OR3A2: variants seen among roughly 807,000 people sequenced by gnomAD.
OR3A2 encodes olfactory receptor 3A2.
For synonymous variants in OR3A2, 126 were observed against 159.3 expected (o/e 0.79, Z 1.57); for missense variants, 318 against 392.8 (o/e 0.81, Z 1.61).
At chr17:3,317,087 G>A (rs892714871) in intron 3 of OR3A2, among the ~76,000 whole-genome samples, 17 of 152,198 alleles carry the variant, frequency 1.1e-4, no homozygotes, top group Non-Finnish European at 1.0e-4. Context: ...ATAAGGTTGA[G>A]TACCGGTGCA....
chr17:3,357,627 A>T (rs1419152779), intron 2 of OR3A2, among the ~76,000 whole-genome samples: 2 of 151,602 alleles, frequency 1.3e-5, no homozygotes, highest in Non-Finnish European at 2.9e-5. Context: ...AGAGGTCCAG[A>T]GATAGATGCT....
intron 3 of OR3A2, chr17:3,310,514 C>A (rs768146932): frequency 1.9e-6 from 1 of 535,714 alleles, no homozygotes; most frequent in Non-Finnish European, 3.8e-6. Flanking sequence ...TCCTGGGGAA[C>A]TTGTCCCTGC....
intron 2 of OR3A2, chr17:3,377,457 C>T (rs1358193366): frequency 6.6e-6 from 1 of 152,038 alleles, no homozygotes; most frequent in Non-Finnish European, 1.5e-5. Flanking sequence ...CTTAATGGGC[C>T]CACATTCTTT....
In OR3A2 at chr17:3,378,206, A is replaced by C. The variant is rs143045929; in HGVS notation, c.-179+5598T>G. ...TGTGGTACCCAGGCTGTCCACACTGAGAGGCATCTGTAGGCCCATGCCAAG... is the reference window on the plus strand; with the variant it reads ...TGTGGTACCCAGGCTGTCCACACTGCGAGGCATCTGTAGGCCCATGCCAAG... On this transcript the variant is annotated intron_variant, in intron 2 of 4. Coordinates refer to the OR3A2 transcript ENST00000573491. Among the ~76,000 whole-genome samples, 1,352 of 152,300 alleles carry C rather than the reference A, an allele frequency of 8.9e-3. 20 individuals are homozygous for C. The highest frequency in any genetic ancestry group is 0.031 in the African/African-American group (1,289 of 41,568).
chr17:3,305,527 A>T (rs1215172483), intron 3 of OR3A2, among the ~76,000 whole-genome samples: 1 of 152,208 alleles, frequency 6.6e-6, no homozygotes, highest in Non-Finnish European at 1.5e-5. Flanking sequence ...GGAGGTAGAG[A>T]TTACTCATGA....
At chr17:3,339,222 C>T (rs1477205284) in intron 2 of OR3A2, among the ~76,000 whole-genome samples, 1 of 152,086 alleles carries the variant, frequency 6.6e-6, no homozygotes, top group Non-Finnish European at 1.5e-5. Context: ...AACAGGAAGA[C>T]TTTTACTTCC....
intron 2 of OR3A2, among the ~76,000 whole-genome samples, chr17:3,375,682 A>G (rs960501383): frequency 2.0e-5 from 3 of 152,058 alleles, no homozygotes; most frequent in Non-Finnish European, 4.4e-5. Flanking sequence ...TTGTTTTGCT[A>G]TATTACCAGA....
intron 2 of OR3A2, among the ~76,000 whole-genome samples, chr17:3,371,562 C>CG (rs1301712823): frequency 1.4e-5 from 2 of 140,056 alleles, no homozygotes; most frequent in African/African-American, 5.4e-5. Context: ...GCTGGCCGGG[C>CG]GGGGGGCTGA....
chr17:3,286,418 T>TGGGTATATACTCA (rs533922430), upstream of OR3A2, among the ~76,000 whole-genome samples: 3 of 152,214 alleles, frequency 2.0e-5, no homozygotes, highest in Non-Finnish European at 4.4e-5. Flanking sequence ...TATATTCCTT[T>TGGGTATATACTCA]GGGTATATAC....
intron 2 of OR3A2, among the ~76,000 whole-genome samples, chr17:3,363,255 A>G (rs138889351): frequency 0.015 from 2,350 of 151,946 alleles, 27 homozygotes; most frequent in Non-Finnish European, 0.023. Context: ...TTCTTCATGC[A>G]TATGAGTATA....
intron 2 of OR3A2, among the ~76,000 whole-genome samples, chr17:3,351,886 A>G (rs4505379): frequency 0.086 from 13,144 of 152,072 alleles, 1,078 homozygotes; most frequent in East Asian, 0.48. Flanking sequence ...CCGCATATCT[A>G]CAACTATCTG....
At chr17:3,379,552 C>G (rs952613738) in intron 2 of OR3A2, among the ~76,000 whole-genome samples, 5 of 152,290 alleles carry the variant, frequency 3.3e-5, no homozygotes, top group Admixed American at 1.3e-4. Flanking sequence ...CTCTCCTCCC[C>G]CAGGTTCTGG....
intron 1 of OR3A2, among the ~76,000 whole-genome samples, chr17:3,282,199 G>C (rs1232702332): frequency 6.6e-6 from 1 of 152,074 alleles, no homozygotes; most frequent in African/African-American, 2.4e-5. Context: ...TGGATCACGA[G>C]GTCAGGAGAT....
intron 3 of OR3A2, among the ~76,000 whole-genome samples, chr17:3,322,957 G>A (rs1319222782): frequency 6.6e-6 from 1 of 152,154 alleles, no homozygotes; most frequent in Non-Finnish European, 1.5e-5. Flanking sequence ...TCTGTCTAAT[G>A]TTGACAGTGG....
intron 3 of OR3A2, chr17:3,292,193 G>A (rs757388152): frequency 2.5e-6 from 4 of 1,614,150 alleles, no homozygotes; most frequent in East Asian, 2.2e-5. Context: ...TGAGGGGCCG[G>A]CAGATGGCCA....
At chr17:3,346,135 A>C (rs2049362162) in intron 2 of OR3A2, among the ~76,000 whole-genome samples, 1 of 152,202 alleles carries the variant, frequency 6.6e-6, no homozygotes, top group Admixed American at 6.5e-5. Flanking sequence ...CCAGGACAGG[A>C]CATTTCACTT....
chr17:3,326,615 CATATGT>C (rs1425949489), intron 3 of OR3A2, among the ~76,000 whole-genome samples: 1 of 149,964 alleles, frequency 6.7e-6, no homozygotes, highest in Non-Finnish European at 1.5e-5. Flanking sequence ...AGGTCAGTTA[CATATGT>C]ATACATGTGC....
At chr17:3,320,574 T>C (rs2049112533) in intron 3 of OR3A2, among the ~76,000 whole-genome samples, 1 of 139,630 alleles carries the variant, frequency 7.2e-6, no homozygotes, top group Non-Finnish European at 1.6e-5. Flanking sequence ...AAGGAAGGGA[T>C]CCAGTTTCAG....
At chr17:3,281,661 T>TC (rs1555524298) in intron 1 of OR3A2, among the ~76,000 whole-genome samples, 1 of 151,882 alleles carries the variant, frequency 6.6e-6, no homozygotes, top group Non-Finnish European at 1.5e-5. Context: ...TTGTTTTGTT[T>TC]TCTCATTTTA....
Sources: gnomAD v4.1 joint callset for allele counts (sites outside exome capture counted in the v4.1 genomes callset) on GRCh38, gnomAD v4.1.1 for gene constraint, MANE v1.5 for transcripts, NCBI Gene and HGNC (gene_info 2026-07-23, HGNC 2026-07-21) for gene names.